Variants in DYNC2I2 observed in about 807,000 individuals in gnomAD.
DYNC2I2 encodes cytoplasmic dynein 2 intermediate chain 2.
A neutral mutation model predicts 52.0 loss-of-function variants in DYNC2I2; 39 were observed. The ratio of observed to expected loss-of-function variants is 0.75; its 90% confidence interval spans 0.58 to 0.98. The LOEUF (loss-of-function observed/expected upper bound fraction) is 0.98. Among genes scored for constraint, DYNC2I2 ranks in the 50% least tolerant of loss-of-function variants. The pLI is 0.00. For missense variants in DYNC2I2, 743 were observed against 728.4 expected (o/e 1.02, Z -0.23); for synonymous variants, 359 against 321.1 (o/e 1.12, Z -1.26).
At chr9:128,648,596 G>T (rs1025473920) in intron 1 of DYNC2I2, among the ~76,000 whole-genome samples, 2 of 144,502 alleles carry the variant, frequency 1.4e-5, no homozygotes, top group Non-Finnish European at 3.0e-5. Context: ...GACCAGCCTG[G>T]CCAACATGGT....
At chr9:128,643,052 G>C (rs1187784351) in intron 1 of DYNC2I2, among the ~76,000 whole-genome samples, 1 of 152,164 alleles carries the variant, frequency 6.6e-6, no homozygotes, top group Non-Finnish European at 1.5e-5. Flanking sequence ...CAAGTGGAAA[G>C]CTTCAGGAAG....
intron 1 of DYNC2I2, among the ~76,000 whole-genome samples, chr9:128,643,210 C>G (rs1462185458): frequency 6.6e-6 from 1 of 151,840 alleles, no homozygotes; most frequent in Non-Finnish European, 1.5e-5. Flanking sequence ...CAGAGGGAAA[C>G]TCTGTACCTA....
chr9:128,679,060 C>A, the DYNC2I2 span, among the ~76,000 whole-genome samples: 1 of 151,986 alleles, frequency 6.6e-6, no homozygotes, highest in Non-Finnish European at 1.5e-5. Context: ...CAGAGCAAGA[C>A]TCCGTCACAA....
intron 3 of DYNC2I2, 36 bp from the exon 4 acceptor site, chr9:128,636,474 G>A (rs1860417700): frequency 6.4e-7 from 1 of 1,568,328 alleles, no homozygotes; most frequent in South Asian, 1.2e-5. Context: ...CTGTGCCCCT[G>A]GGTGGGGCTC....
At chr9:128,635,991 C>G in intron 4 of DYNC2I2, 1 of 674,818 alleles carries the variant, frequency 1.5e-6, no homozygotes, top group East Asian at 2.7e-5. Flanking sequence ...GCAGCTCCCT[C>G]CAGCGTTGCC....
chr9:128,658,251 C>T (rs1414119458), upstream of DYNC2I2, among the ~76,000 whole-genome samples: 8 of 151,592 alleles, frequency 5.3e-5, no homozygotes, highest in Non-Finnish European at 8.8e-5. Flanking sequence ...CAGCAACCTC[C>T]ACCTCCCCAG....
intron 1 of DYNC2I2, among the ~76,000 whole-genome samples, chr9:128,649,299 C>T (rs923944550): frequency 1.3e-5 from 2 of 152,020 alleles, no homozygotes; most frequent in Non-Finnish European, 2.9e-5. Flanking sequence ...TCCAAATTAG[C>T]CAGGCGCGAT....
the DYNC2I2 span, chr9:128,683,931 AAAG>A: frequency 3.9e-6 from 6 of 1,556,230 alleles, no homozygotes; most frequent in Non-Finnish European, 5.2e-6. Flanking sequence ...TCCCGCCTCA[AAAG>A]AAGAAACCAA....
At chr9:128,643,302 T>G (rs1454224859) in intron 1 of DYNC2I2, among the ~76,000 whole-genome samples, 1 of 151,980 alleles carries the variant, frequency 6.6e-6, no homozygotes, top group Admixed American at 6.6e-5. Flanking sequence ...TGAGGCGGGT[T>G]GATCATGAGG....
At chr9:128,644,443 T>C (rs982721231) in intron 1 of DYNC2I2, among the ~76,000 whole-genome samples, 3 of 152,022 alleles carry the variant, frequency 2.0e-5, no homozygotes, top group African/African-American at 4.8e-5. Flanking sequence ...TGGCTGATTT[T>C]TTAAAAGAAT....
chr9:128,665,349 C>G, the DYNC2I2 span, among the ~76,000 whole-genome samples: 1 of 152,044 alleles, frequency 6.6e-6, no homozygotes. Flanking sequence ...CCGTGCCTGG[C>G]CAAATCTGTG....
At chr9:128,669,652 G>A in the DYNC2I2 span, among the ~76,000 whole-genome samples, 16 of 152,248 alleles carry the variant, frequency 1.1e-4, no homozygotes, top group African/African-American at 2.2e-4. Context: ...AGCCGACATC[G>A]CACTATTGCA....
chr9:128,656,415 C>G (rs1453344425), intron 1 of DYNC2I2, 126 bp downstream of exon 1: 1 of 706,918 alleles, frequency 1.4e-6, no homozygotes, highest in Non-Finnish European at 1.8e-6. Context: ...CGAACCCGCC[C>G]GGCAGCCACG....
intron 2 of DYNC2I2, among the ~76,000 whole-genome samples, chr9:128,639,595 C>T (rs545666686): frequency 5.9e-5 from 9 of 152,142 alleles, no homozygotes; most frequent in African/African-American, 2.2e-4. Context: ...GGATATGTCA[C>T]TTAGCCTCTC....
chr9:128,654,223 G>A (rs995439290), intron 1 of DYNC2I2, among the ~76,000 whole-genome samples: 2 of 152,052 alleles, frequency 1.3e-5, no homozygotes, highest in Non-Finnish European at 2.9e-5. Flanking sequence ...GCTTCAGCTG[G>A]GCAGACTTCT....
At chr9:128,662,337 C>T in the DYNC2I2 span, among the ~76,000 whole-genome samples, 2 of 151,992 alleles carry the variant, frequency 1.3e-5, no homozygotes, top group South Asian at 2.1e-4. Context: ...GCTGGTGTGC[C>T]CTACAGATGG....
chr9:128,652,623 CA>C (rs71381784), intron 1 of DYNC2I2, among the ~76,000 whole-genome samples: 6 of 140,448 alleles, frequency 4.3e-5, no homozygotes, highest in Non-Finnish European at 4.5e-5. Flanking sequence ...AATTCCGTCT[CA>C]AAAAAAAAAA....
intron 1 of DYNC2I2, among the ~76,000 whole-genome samples, chr9:128,647,925 G>C (rs896755212): frequency 6.6e-6 from 1 of 151,998 alleles, no homozygotes; most frequent in South Asian, 2.1e-4. Context: ...CCTGCCCCAA[G>C]AGAGCCTGCA....
In DYNC2I2 at chr9:128,656,784, C is replaced by A; in HGVS notation, c.-58G>T. On this transcript the variant is annotated 5_prime_UTR_variant, in exon 1 of 9. Transcript: ENST00000372715. The stretch of plus-strand genomic sequence containing the variant: ...TCAGGCGCGACCTCCGCCCCTACGC[C>A]GCCATGAGCGGAAAACGGGGAATGT... 1 of 1,308,294 alleles carries A rather than the reference C, an allele frequency of 7.6e-7. No homozygotes were observed. The highest frequency in any genetic ancestry group is 2.1e-5 in the South Asian group (1 of 48,626). The allele number at this position is 1,308,294 out of a possible 1,614,324, so 81.0% of individuals were successfully genotyped here. A position where few individuals can be genotyped will look rare whatever the true frequency, so the allele number is the denominator to read the frequency against.
Sources: gnomAD v4.1 joint callset for allele counts (sites outside exome capture counted in the v4.1 genomes callset) on GRCh38, gnomAD v4.1.1 for gene constraint, MANE v1.5 for transcripts, NCBI Gene and HGNC (gene_info 2026-07-23, HGNC 2026-07-21) for gene names.